Variants in SEC14L1 observed in about 807,000 individuals in gnomAD.
The protein encoded by SEC14L1 is SEC14-like protein 1.
In SEC14L1, 48 loss-of-function variants were observed where a neutral mutation model predicts 85.3. That is an observed-to-expected ratio of 0.56 (90% CI 0.45 to 0.72). The LOEUF (loss-of-function observed/expected upper bound fraction) is 0.72, where lower values mean the gene tolerates loss of function less well. SEC14L1 is among the 30% of genes least tolerant of loss of function. The pLI is 0.00. For synonymous variants in SEC14L1, 391 were observed against 355.5 expected (o/e 1.10, Z -1.12); for missense variants, 682 against 921.4 (o/e 0.74, Z 3.36).
intron 3 of SEC14L1, among the ~76,000 whole-genome samples, chr17:77,181,671 C>T (rs1302195855): frequency 6.6e-6 from 1 of 152,204 alleles, no homozygotes; most frequent in Non-Finnish European, 1.5e-5. Flanking sequence ...CCACCTCAGC[C>T]TCCCAAAGTG....
In SEC14L1 at chr17:77,162,870, T is replaced by C. The variant is rs563817252; in HGVS notation, c.63+19211T>C. Among the ~76,000 whole-genome samples the C allele has an allele frequency of 7.6e-4, 116 of 152,288 alleles. No homozygotes were observed. The South Asian group carries it at 0.022, about 29-fold the overall frequency. ...TGTTGTGGATTCTCATAGTCATGTT[T>C]TCTTTTTCATGAAGGACATTTTGGA... On this transcript the variant is annotated intron_variant, in intron 3 of 16. Coordinates refer to ENST00000436233, the MANE Select transcript of SEC14L1 (RefSeq NM_001143998.2).
rs1337216702 is a variant in SEC14L1 at position 77,213,714 on chromosome 17, T to C, written c.2043-204T>C. The stretch of plus-strand genomic sequence containing the variant: ...CAGAGCCGACTGACTGCCTTTGCTT[T>C]AGCTCACACTGCCGTCTGCGTGCAG... On this transcript the variant is annotated intron_variant, in intron 16 of 16. Coordinates refer to ENST00000436233, the MANE Select transcript of SEC14L1 (RefSeq NM_001143998.2). The surrounding 1 kb of genome is among the most constrained non-coding windows in gnomAD (Gnocchi z 7.1). 4 of 853,364 alleles carry C rather than the reference T, an allele frequency of 4.7e-6. No individual in the cohort carries two copies. Among genetic ancestry groups the C allele is most frequent in the Middle Eastern group, 4.3e-4 (2 of 4,690 alleles). 52.9% of individuals were successfully genotyped at this position (853,364 alleles called of 1,614,324 possible). A position where few individuals can be genotyped will look rare whatever the true frequency, so the allele number is the denominator to read the frequency against.
intron 3 of SEC14L1, among the ~76,000 whole-genome samples, chr17:77,171,794 C>T (rs1483296759): frequency 1.3e-5 from 2 of 152,174 alleles, no homozygotes; most frequent in Admixed American, 6.5e-5. Flanking sequence ...AGGATATCTC[C>T]GTTTACTACT....
At chr17:77,106,949 G>A (rs689241) in intron 3 of SEC14L1, among the ~76,000 whole-genome samples, 15,342 of 152,262 alleles carry the variant, frequency 0.1, 1,057 homozygotes, top group East Asian at 0.26. Context: ...CCCCATGAAT[G>A]CTTGTATCCG....
chr17:77,125,555 G>A (rs144525839), intron 3 of SEC14L1, among the ~76,000 whole-genome samples: 13 of 151,968 alleles, frequency 8.6e-5, no homozygotes, highest in Middle Eastern at 3.4e-3. Context: ...CAGGTTATTT[G>A]TACTTGCTAT....
At chr17:77,136,752 G>C (rs916534518), upstream of SEC14L1, among the ~76,000 whole-genome samples, 1 of 152,306 alleles carries the variant, frequency 6.6e-6, no homozygotes, top group South Asian at 2.1e-4. Flanking sequence ...TGGCTGGAGG[G>C]GGAAGACACA....
At chr17:77,101,140 T>C (rs1971768237) in intron 3 of SEC14L1, among the ~76,000 whole-genome samples, 1 of 151,932 alleles carries the variant, frequency 6.6e-6, no homozygotes, top group African/African-American at 2.4e-5. Context: ...TAGAAAGGGC[T>C]CTGTCCCAAG....
chr17:77,206,918 C>T lies in SEC14L1; in HGVS notation c.1476+56C>T, dbSNP rs1976490349. On this transcript the variant is annotated intron_variant, in intron 13 of 16. Transcript: ENST00000436233. The surrounding 1 kb of genome is among the most constrained non-coding windows in gnomAD (Gnocchi z 4.3). ...GGCCCCTTATGCAGGTGGGAGAGGT[C>T]GGTGTCGATTTGCACAAATGATTTT... The T allele has an allele frequency of 1.4e-6, 2 of 1,436,246 alleles. No homozygotes were observed. The highest frequency in any genetic ancestry group is 1.6e-5 in the South Asian group (1 of 62,460). 89.0% of individuals were successfully genotyped at this position (1,436,246 alleles called of 1,614,324 possible). A position where few individuals can be genotyped will look rare whatever the true frequency, so the allele number is the denominator to read the frequency against.
chr17:77,148,692 C>T (rs1973422462), intron 3 of SEC14L1, among the ~76,000 whole-genome samples: 1 of 152,238 alleles, frequency 6.6e-6, no homozygotes, highest in Non-Finnish European at 1.5e-5. Flanking sequence ...GCGTAAGCCC[C>T]TCCCTTTGCA....
At chr17:77,150,573 G>A (rs149417660) in intron 3 of SEC14L1, among the ~76,000 whole-genome samples, 10 of 152,302 alleles carry the variant, frequency 6.6e-5, no homozygotes, top group South Asian at 2.1e-4. Flanking sequence ...GGATGGACTC[G>A]CGACTCATAT....
chr17:77,160,613 G>A (rs879541779), intron 3 of SEC14L1, among the ~76,000 whole-genome samples: 3 of 152,154 alleles, frequency 2.0e-5, no homozygotes, highest in Admixed American at 1.3e-4. Context: ...ATTTATTGAC[G>A]GAGACCAGGT....
At chr17:77,160,666 CA>C (rs1467300944) in intron 3 of SEC14L1, among the ~76,000 whole-genome samples, 1 of 152,184 alleles carries the variant, frequency 6.6e-6, no homozygotes. Context: ...TGTATACCTC[CA>C]TTTTTTTCTA....
chr17:77,099,910 GT>G (rs1555613431), intron 3 of SEC14L1, among the ~76,000 whole-genome samples: 4 of 151,152 alleles, frequency 2.6e-5, no homozygotes, highest in Non-Finnish European at 5.9e-5. Context: ...GTTTTTTGTT[GT>G]TTTTTTTTAA....
At chr17:77,191,377 C>T in intron 5 of SEC14L1, 65 bp downstream of exon 5, 1 of 1,572,870 alleles carries the variant, frequency 6.4e-7, no homozygotes, top group Admixed American at 1.7e-5. Flanking sequence ...ATTGTTTGAT[C>T]ACCATTTTAA....
In SEC14L1 at chr17:77,206,456, G is replaced by A. The variant is rs1598400025; in HGVS notation, c.1341+56G>A. On this transcript the variant is annotated intron_variant, in intron 12 of 16. Coordinates refer to ENST00000436233, the MANE Select transcript of SEC14L1 (RefSeq NM_001143998.2). The surrounding 1 kb of genome is among the most constrained non-coding windows in gnomAD (Gnocchi z 4.3). Reference sequence around the variant, plus strand: ...GAGCCATTTGGAAAGCAGATAACATGCATTCATATACACGTGTCTGTGACC... The same window carrying A: ...GAGCCATTTGGAAAGCAGATAACATACATTCATATACACGTGTCTGTGACC... 3 of 1,564,664 alleles carry A rather than the reference G, an allele frequency of 1.9e-6. No homozygotes were observed. The South Asian group carries it at 3.4e-5, about 18-fold the overall frequency.
chr17:77,178,971 A>G (rs1016230344), intron 3 of SEC14L1, among the ~76,000 whole-genome samples: 9 of 152,208 alleles, frequency 5.9e-5, no homozygotes, highest in African/African-American at 1.9e-4. Flanking sequence ...CCCAGGTGGC[A>G]CGGATACCTT....
rs745921636 is a variant in SEC14L1, at chr17:77,204,522, CTTTTTTTTTT to C, written c.1099-736_1099-727del. 1.1e-4 allele frequency among the ~76,000 whole-genome samples: 9 copies of C among 84,734 alleles called. No homozygotes were observed. The East Asian group carries it at 2.3e-3, about 21-fold the overall frequency. 55.6% of individuals were successfully genotyped at this position (84,734 alleles called of 152,430 possible). A position where few individuals can be genotyped will look rare whatever the true frequency, so the allele number is the denominator to read the frequency against. ...GGCTTGAGCCACCCTGCCCAGCCAG[CTTTTTTTTTT>C]TTTTTTTTTTTTTTTTTAAAGAGAC... On this transcript the variant is annotated intron_variant, in intron 10 of 16. Transcript: ENST00000436233.
chr17:77,206,586 A>G lies in SEC14L1; in HGVS notation c.1342-142A>G, dbSNP rs150923128. 1,158 of 1,214,140 alleles carry G rather than the reference A, an allele frequency of 9.5e-4. 7 individuals are homozygous for G. In the African/African-American group the frequency reaches 0.014, roughly 15 times the overall value. 75.2% of individuals were successfully genotyped at this position (1,214,140 alleles called of 1,614,324 possible). A position where few individuals can be genotyped will look rare whatever the true frequency, so the allele number is the denominator to read the frequency against. ...AACAAAATGTGAGTGTCCTAATGCC[A>G]TGCAAATAGACTTTACAGAAGAAGT... is the stretch of plus-strand genomic sequence containing the variant. On this transcript the variant is annotated intron_variant, in intron 12 of 16. Coordinates refer to ENST00000436233, the MANE Select transcript of SEC14L1 (RefSeq NM_001143998.2). The surrounding 1 kb of genome is among the most constrained non-coding windows in gnomAD (Gnocchi z 4.3).
At chr17:77,111,503 G>A (rs1435514078) in intron 3 of SEC14L1, among the ~76,000 whole-genome samples, 4 of 151,804 alleles carry the variant, frequency 2.6e-5, no homozygotes. Context: ...GCCGGCAGCC[G>A]GGAGGGGGGC....
Sources: allele counts gnomAD v4.1 joint callset (sites outside exome capture counted in the v4.1 genomes callset), GRCh38; gene constraint gnomAD v4.1.1; non-coding constraint Gnocchi (gnomAD v3.1); transcripts MANE v1.5; gene names NCBI Gene and HGNC (gene_info 2026-07-23, HGNC 2026-07-21).